VEPH1: variants seen among roughly 807,000 people sequenced by gnomAD.
The protein encoded by VEPH1 is ventricular zone-expressed PH domain-containing protein homolog 1.
Under a neutral mutation model 85.2 loss-of-function variants are expected in VEPH1, and 80 were observed. The observed-to-expected ratio is 0.94, with a 90% confidence interval of 0.78 to 1.13. VEPH1 has a LOEUF of 1.13. VEPH1 is among the 50% of genes most tolerant of loss of function. The pLI is 0.00. For synonymous variants in VEPH1, 297 were observed against 348.0 expected, an observed-to-expected ratio of 0.85 and a Z score of 1.63; for missense variants, 955 against 980.5, an observed-to-expected ratio of 0.97 and a Z score of 0.35.
chr3:157,357,495 CTTTT>C (rs147031944), intron 9 of VEPH1, among the ~76,000 whole-genome samples: 1 of 144,038 alleles, frequency 6.9e-6, no homozygotes. Flanking sequence ...TTGTAAGAAA[CTTTT>C]TTTTTTTTTT....
At chr3:157,305,584 A>G (rs920108812) in intron 11 of VEPH1, among the ~76,000 whole-genome samples, 5 of 152,302 alleles carry the variant, frequency 3.3e-5, no homozygotes, top group African/African-American at 1.2e-4. Flanking sequence ...TACATGTTTC[A>G]GATTACTTCT....
At chr3:157,344,269 T>C (rs981114023) in intron 9 of VEPH1, among the ~76,000 whole-genome samples, 5 of 152,078 alleles carry the variant, frequency 3.3e-5, no homozygotes, top group African/African-American at 1.2e-4. Flanking sequence ...GATTGTATAT[T>C]TAGAAAACCC....
intron 6 of VEPH1, among the ~76,000 whole-genome samples, chr3:157,384,157 G>GT (rs1221997130): frequency 2.0e-5 from 3 of 152,134 alleles, no homozygotes; most frequent in African/African-American, 7.2e-5. Context: ...ATGGAGAAAC[G>GT]TGCCTCAAAG....
chr3:157,311,135 A>G (rs533200438), intron 11 of VEPH1, among the ~76,000 whole-genome samples: 16 of 152,232 alleles, frequency 1.1e-4, no homozygotes, highest in Non-Finnish European at 2.2e-4. Context: ...ATACAGCAAA[A>G]TCCCTGCCCT....
intron 5 of VEPH1, among the ~76,000 whole-genome samples, chr3:157,425,108 A>G (rs73028049): frequency 0.066 from 10,115 of 152,270 alleles, 1,197 homozygotes; most frequent in African/African-American, 0.23. Flanking sequence ...CACTCCCACA[A>G]TGACTGAAAG....
chr3:157,285,165 T>A (rs1716613267), intron 12 of VEPH1: 1 of 152,210 alleles, frequency 6.6e-6, no homozygotes, highest in Non-Finnish European at 1.5e-5. Flanking sequence ...AAGGTCTAAT[T>A]AGAAAGTTTT....
rs139542014 is a variant in VEPH1 at position 157,285,218 on chromosome 3, T to C, written c.2128+1339A>G. 8 of 152,378 alleles carry C rather than the reference T, an allele frequency of 5.3e-5. No homozygotes were observed. In the East Asian group the frequency reaches 1.5e-3, roughly 29 times the overall value. 9.4% of individuals were successfully genotyped at this position (152,378 alleles called of 1,614,324 possible). ...TTCCCCAATTCCTTATTTGTTTGAA[T>C]TAACTTTTAAAAAATTGGGGTGTTC... On this transcript the variant is annotated intron_variant, in intron 12 of 13. Transcript: ENST00000362010.
chr3:157,450,906 A>G (rs1734919549), intron 4 of VEPH1, among the ~76,000 whole-genome samples: 1 of 152,202 alleles, frequency 6.6e-6, no homozygotes, highest in African/African-American at 2.4e-5. Flanking sequence ...AGTACCTGGT[A>G]TATAGTAAGC....
At chr3:157,349,407 C>T (rs540188285) in intron 9 of VEPH1, among the ~76,000 whole-genome samples, 3 of 152,248 alleles carry the variant, frequency 2.0e-5, no homozygotes, top group African/African-American at 4.8e-5. Context: ...CCATATATGA[C>T]GAACCCACAG....
rs1365618280 is a variant in VEPH1 at position 157,381,383 on chromosome 3, A to G, written c.907-7T>C. The G allele has an allele frequency of 6.2e-7, 1 of 1,613,834 alleles. No individual in the cohort carries two copies. Among genetic ancestry groups the G allele is most frequent in the Admixed American group, 1.7e-5 (1 of 60,006 alleles). On this transcript the variant is annotated splice_polypyrimidine_tract_variant and splice_region_variant and intron_variant, in intron 6 of 13. Coordinates refer to ENST00000362010, the MANE Select transcript of VEPH1 (RefSeq NM_001167912.2). ...GGCAGCTCCTGGCTCTCTCCTACCA[A>G]AAACAATGAAGAAAATAGGTTTATC...
intron 4 of VEPH1, among the ~76,000 whole-genome samples, chr3:157,459,198 G>A (rs1333855043): frequency 6.6e-6 from 1 of 152,248 alleles, no homozygotes; most frequent in Non-Finnish European, 1.5e-5. Flanking sequence ...GTTCCCAGGA[G>A]TGGAGTCCAT....
At chr3:157,327,229 C>G (rs1722008894) in intron 9 of VEPH1, among the ~76,000 whole-genome samples, 1 of 152,152 alleles carries the variant, frequency 6.6e-6, no homozygotes, top group Admixed American at 6.5e-5. Flanking sequence ...CACAAGGGAG[C>G]AGGAGCCACT....
intron 7 of VEPH1, among the ~76,000 whole-genome samples, chr3:157,377,689 G>A (rs1251187063): frequency 6.6e-6 from 1 of 152,084 alleles, no homozygotes; most frequent in Admixed American, 6.5e-5. Flanking sequence ...TTGCTGCCTT[G>A]TGAAGATGGT....
intron 2 of VEPH1, among the ~76,000 whole-genome samples, chr3:157,487,290 CA>C (rs887376292): frequency 3.1e-4 from 47 of 151,946 alleles, no homozygotes; most frequent in African/African-American, 1.1e-3. Flanking sequence ...CAGAAGCTGC[CA>C]AAAAATAATA....
chr3:157,405,741 G>A (rs1412142786), intron 6 of VEPH1, among the ~76,000 whole-genome samples: 1 of 152,110 alleles, frequency 6.6e-6, no homozygotes. Flanking sequence ...CCCCCACATG[G>A]GGTTAGTTTC....
chr3:157,371,810 G>A (rs1217355352), intron 7 of VEPH1, among the ~76,000 whole-genome samples: 1 of 152,134 alleles, frequency 6.6e-6, no homozygotes, highest in Non-Finnish European at 1.5e-5. Context: ...CCGAGGTAAA[G>A]GTACATTTTC....
intron 6 of VEPH1, among the ~76,000 whole-genome samples, chr3:157,397,727 T>C (rs1730522203): frequency 6.6e-6 from 1 of 152,178 alleles, no homozygotes; most frequent in Non-Finnish European, 1.5e-5. Flanking sequence ...TGCTTGTCTA[T>C]TGTTCTGTGT....
intron 9 of VEPH1, among the ~76,000 whole-genome samples, chr3:157,357,088 CT>C (rs1470326691): frequency 1.3e-5 from 2 of 152,148 alleles, no homozygotes; most frequent in Non-Finnish European, 2.9e-5. Context: ...CAGAAAACAA[CT>C]GCTTTTACAC....
intron 4 of VEPH1, among the ~76,000 whole-genome samples, chr3:157,432,845 A>G (rs1351034320): frequency 6.6e-6 from 1 of 152,148 alleles, no homozygotes; most frequent in Non-Finnish European, 1.5e-5. Flanking sequence ...CATAACTGAC[A>G]TCTTCGTAAA....
Sources: gnomAD v4.1 joint callset for allele counts (sites outside exome capture counted in the v4.1 genomes callset) on GRCh38, gnomAD v4.1.1 for gene constraint, MANE v1.5 for transcripts, NCBI Gene and HGNC (gene_info 2026-07-23, HGNC 2026-07-21) for gene names.